PIP5K1C: variants seen among roughly 807,000 people sequenced by gnomAD.
PIP5K1C encodes phosphatidylinositol 4-phosphate 5-kinase type-1 gamma.
In PIP5K1C, 45 loss-of-function variants were observed where a neutral mutation model predicts 80.1. The ratio of observed to expected loss-of-function variants is 0.56; its 90% CI spans 0.44 to 0.72. The LOEUF is 0.72. Ranked by LOEUF, PIP5K1C falls within the 30% of genes least tolerant of loss-of-function variation. PIP5K1C has a pLI of 0.00. For missense variants in PIP5K1C, 753 were observed against 954.6 expected (o/e 0.79, Z 2.78); for synonymous variants, 498 against 420.1 (o/e 1.19, Z -2.27).
chr19:3,675,939 C>A (rs2035343208), intron 1 of PIP5K1C, among the ~76,000 whole-genome samples: 1 of 152,192 alleles, frequency 6.6e-6, no homozygotes, highest in Non-Finnish European at 1.5e-5. Flanking sequence ...TTCAGTAGCC[C>A]CTGAGGTTAA....
intron 14 of PIP5K1C, among the ~76,000 whole-genome samples, chr19:3,642,282 G>A (rs934469843): frequency 1.4e-4 from 22 of 152,220 alleles, no homozygotes; most frequent in African/African-American, 5.3e-4. Context: ...AAGCAACACC[G>A]CGCCACTGCC....
intron 16 of PIP5K1C, chr19:3,638,065 C>T (rs1652264082): frequency 2.1e-6 from 3 of 1,452,028 alleles, no homozygotes; most frequent in Admixed American, 5.1e-5. Flanking sequence ...CCACAACAGG[C>T]CCTAAGGCCT....
chr19:3,695,635 C>T lies in PIP5K1C; in HGVS notation c.94+4662G>A, dbSNP rs117108656. ...CCTGCATCCCGGGAGGCGGCCAGGGCGGGAGAGAATGGGGAACTTTCCGTC... is the reference window on the plus strand; with the variant it reads ...CCTGCATCCCGGGAGGCGGCCAGGGTGGGAGAGAATGGGGAACTTTCCGTC... On this transcript the variant is annotated intron_variant, in intron 1 of 17. Coordinates refer to ENST00000335312, the MANE Select transcript of PIP5K1C (RefSeq NM_012398.3). Among the ~76,000 whole-genome samples, 1,162 of 151,820 alleles carry T rather than the reference C, an allele frequency of 7.7e-3. 5 individuals are homozygous for T. The highest frequency in any genetic ancestry group is 0.011 in the Non-Finnish European group (760 of 67,910).
intron 2 of PIP5K1C, among the ~76,000 whole-genome samples, chr19:3,666,592 G>A (rs1411317269): frequency 6.6e-6 from 1 of 150,756 alleles, no homozygotes; most frequent in Non-Finnish European, 1.5e-5. Flanking sequence ...CATGAACACA[G>A]GCAAACACGT....
At chr19:3,665,329 A>G (rs2034972742) in intron 2 of PIP5K1C, among the ~76,000 whole-genome samples, 1 of 152,212 alleles carries the variant, frequency 6.6e-6, no homozygotes, top group Non-Finnish European at 1.5e-5. Context: ...ACTCCATGCC[A>G]GGAGCACCTC....
Position 3,687,494 on chromosome 19 carries a change from T to C in PIP5K1C, c.94+12803A>G, listed in dbSNP as rs923848727. On this transcript the variant is annotated intron_variant, in intron 1 of 17. Coordinates refer to ENST00000335312, the MANE Select transcript of PIP5K1C (RefSeq NM_012398.3). ...TGTGGGAAGGGGACACAGACGCACATACACGCACACATGCACATACATGCA... is the reference window on the plus strand; with the variant it reads ...TGTGGGAAGGGGACACAGACGCACACACACGCACACATGCACATACATGCA... Among the ~76,000 whole-genome samples the C allele has an allele frequency of 4.0e-4, 49 of 122,452 alleles. 1 individual carries two copies. Among genetic ancestry groups the C allele is most frequent in the African/African-American group, 1.5e-3 (45 of 29,150 alleles). The allele number at this position is 122,452 out of a possible 152,430, so 80.3% of individuals were successfully genotyped here.
intron 1 of PIP5K1C, among the ~76,000 whole-genome samples, chr19:3,675,006 C>T (rs2145545805): frequency 6.6e-6 from 1 of 152,264 alleles, no homozygotes; most frequent in South Asian, 2.1e-4. Flanking sequence ...AGAGGCCATG[C>T]AGTGTGTGAC....
rs772233511 is a variant in PIP5K1C at position 3,667,303 on chromosome 19, G to A, written c.126+19C>T. On this transcript the variant is annotated intron_variant, in intron 2 of 17. Transcript: ENST00000335312. Reference sequence around the variant, plus strand: ...TCAGGGTGGGGACCCCAGGCCCTTCGTCCGCTCCAGACACTCACCTCTGTT... The same window carrying A: ...TCAGGGTGGGGACCCCAGGCCCTTCATCCGCTCCAGACACTCACCTCTGTT... 27 of 1,611,250 alleles carry A rather than the reference G, an allele frequency of 1.7e-5. No individual in the cohort carries two copies. Among genetic ancestry groups the A allele is most frequent in the Admixed American group, 1.3e-4 (8 of 59,840 alleles).
intron 11 of PIP5K1C, among the ~76,000 whole-genome samples, chr19:3,644,817 CTG>C (rs560870739): frequency 6.6e-4 from 100 of 152,324 alleles, no homozygotes; most frequent in African/African-American, 2.4e-3. Context: ...GTCCTCAGTG[CTG>C]TGTGAGCTCT....
At chr19:3,677,770 G>A (rs1202790512) in intron 1 of PIP5K1C, among the ~76,000 whole-genome samples, 3 of 99,540 alleles carry the variant, frequency 3.0e-5, no homozygotes, top group Non-Finnish European at 6.3e-5. Context: ...GAGGATGGAG[G>A]ATGGAGGGAT....
intron 1 of PIP5K1C, among the ~76,000 whole-genome samples, chr19:3,687,573 ACG>A (rs1369418706): frequency 1.3e-5 from 2 of 151,656 alleles, no homozygotes; most frequent in Admixed American, 6.6e-5. Context: ...ACACATGCAC[ACG>A]CACACACATG....
intron 1 of PIP5K1C, among the ~76,000 whole-genome samples, chr19:3,686,286 G>C (rs2035756168): frequency 3.3e-5 from 5 of 152,012 alleles, no homozygotes; most frequent in Admixed American, 2.6e-4. Flanking sequence ...CGGGCGTGGT[G>C]GCGGGCGCCT....
At chr19:3,695,092 T>G (rs561595701) in intron 1 of PIP5K1C, among the ~76,000 whole-genome samples, 2 of 152,344 alleles carry the variant, frequency 1.3e-5, no homozygotes, top group African/African-American at 4.8e-5. Flanking sequence ...GGGTCTCACG[T>G]GGCCACTTGT....
intron 1 of PIP5K1C, among the ~76,000 whole-genome samples, chr19:3,698,610 G>A (rs945200697): frequency 3.9e-5 from 6 of 152,230 alleles, no homozygotes; most frequent in Non-Finnish European, 7.3e-5. Flanking sequence ...CTGGCATGGA[G>A]TGGGCAGAAG....
Position 3,699,048 on chromosome 19 carries a change from G to A in PIP5K1C, c.94+1249C>T, listed in dbSNP as rs370312736. Among the ~76,000 whole-genome samples the A allele has an allele frequency of 1.4e-4, 21 of 151,566 alleles. No individual in the cohort carries two copies. The East Asian group carries it at 2.7e-3, about 20-fold the overall frequency. On this transcript the variant is annotated intron_variant, in intron 1 of 17. Transcript: ENST00000335312. ...AGAGCCCCTGATAAGATGAATGGTC[G>A]CGGTGTGGTTTTCTTTTGGTCAGCG...
Position 3,688,729 on chromosome 19 carries a change from G to A in PIP5K1C, c.94+11568C>T, listed in dbSNP as rs566483944. Among the ~76,000 whole-genome samples, 10 of 152,130 alleles carry A rather than the reference G, an allele frequency of 6.6e-5. No homozygotes were observed. Among genetic ancestry groups the A allele is most frequent in the Non-Finnish European group, 1.3e-4 (9 of 67,988 alleles). On this transcript the variant is annotated intron_variant, in intron 1 of 17. Transcript: ENST00000335312. This position sits in a 1 kb window ranked among gnomAD's most constrained non-coding sequence, Gnocchi z 5.3. ...GCTTTGCTCAAACAGGACTGAGAGC[G>A]GAAAGAGAGAGAGAGAGAGGAGAGT...
Position 3,637,860 on chromosome 19 carries a change from G to T in PIP5K1C, c.1920+1024C>A. 1 of 1,535,330 alleles carries T rather than the reference G, an allele frequency of 6.5e-7. No individual in the cohort carries two copies. Among genetic ancestry groups the T allele is most frequent in the Admixed American group, 2.0e-5 (1 of 50,992 alleles). On this transcript the variant is annotated intron_variant, in intron 16 of 17. Transcript: ENST00000335312. The surrounding 1 kb of genome is among the most constrained non-coding windows in gnomAD (Gnocchi z 7.0). ...ACACACAGCACGACATGGCCCCCAG[G>T]CCCCCCGTACCATCCGGAGACCAGG...
Position 3,653,416 on chromosome 19 carries a change from C to G in PIP5K1C, c.795G>C (p.Lys265Asn). Reference protein sequence around the residue: ...KGSTYKRRASKKEKEKSFPTY... With the variant: ...KGSTYKRRASNKEKEKSFPTY... ...TGGGGAAGCTCTTCTCCTTCTCCTT[C>G]TTGCTGGCGCGCCGCTTGTAGGTGG... Residue 265 changes from lysine (K) to asparagine (N), a missense_variant, in exon 7 of 18, where the codon AAG (lysine) becomes AAC (asparagine). Transcript: ENST00000335312. 1 of 1,613,418 alleles carries G rather than the reference C, an allele frequency of 6.2e-7. No homozygotes were observed. The highest frequency in any genetic ancestry group is 8.5e-7 in the Non-Finnish European group (1 of 1,180,034).
chr19:3,634,863 C>T (rs2033613225), intron 16 of PIP5K1C, among the ~76,000 whole-genome samples: 1 of 152,384 alleles, frequency 6.6e-6, no homozygotes, highest in Middle Eastern at 3.4e-3. Flanking sequence ...CAGCGCACTC[C>T]TGCCCTGCGA....
Sources: gnomAD v4.1 joint callset for allele counts (sites outside exome capture counted in the v4.1 genomes callset) on GRCh38, gnomAD v4.1.1 for gene constraint, Gnocchi (gnomAD v3.1) non-coding constraint, MANE v1.5 for transcripts, NCBI Gene and HGNC (gene_info 2026-07-23, HGNC 2026-07-21) for gene names.